The following STK38L variants were observed in gnomAD, a reference collection of about 807,000 sequenced individuals.
STK38L encodes serine/threonine-protein kinase 38-like.
STK38L carries 28 observed loss-of-function variants against 59.7 expected under a neutral mutation model. The ratio of observed to expected loss-of-function variants is 0.47; its 90% CI spans 0.35 to 0.64. The LOEUF (loss-of-function observed/expected upper bound fraction) is 0.64. Among genes scored for constraint, STK38L ranks in the 30% least tolerant of loss-of-function variants. The pLI, the probability that STK38L is intolerant of heterozygous loss-of-function variation, is 0.01. For synonymous variants in STK38L, 162 were observed against 176.8 expected (o/e 0.92, Z 0.66); for missense variants, 314 against 555.8 (o/e 0.56, Z 4.37).
At chr12:27,290,230 T>A (rs1407411668) in intron 1 of STK38L, among the ~76,000 whole-genome samples, 1 of 152,228 alleles carries the variant, frequency 6.6e-6, no homozygotes, top group Non-Finnish European at 1.5e-5. Context: ...ATTATTATAT[T>A]TATTTAACAG....
intron 1 of STK38L, among the ~76,000 whole-genome samples, chr12:27,254,664 A>G (rs1943051143): frequency 2.0e-5 from 3 of 152,172 alleles, no homozygotes; most frequent in African/African-American, 7.2e-5. Flanking sequence ...TTGTATTTCT[A>G]GGCCAGCGGT....
At chr12:27,267,487 G>A (rs1943323979) in intron 1 of STK38L, among the ~76,000 whole-genome samples, 1 of 152,214 alleles carries the variant, frequency 6.6e-6, no homozygotes, top group Non-Finnish European at 1.5e-5. Flanking sequence ...TACTGGTGCA[G>A]GCTCGAACTC....
intron 1 of STK38L, among the ~76,000 whole-genome samples, chr12:27,268,154 G>T (rs909940942): frequency 6.6e-6 from 1 of 151,402 alleles, no homozygotes; most frequent in Admixed American, 6.6e-5. Flanking sequence ...TTTAGGGTAC[G>T]TGTGCACAAT....
chr12:27,273,513 A>G (rs892753575), intron 1 of STK38L, among the ~76,000 whole-genome samples: 1 of 152,242 alleles, frequency 6.6e-6, no homozygotes, highest in Non-Finnish European at 1.5e-5. Flanking sequence ...GAGGATCAAA[A>G]CCAAATGAGA....
At chr12:27,276,397 A>C (rs531835373) in intron 1 of STK38L, among the ~76,000 whole-genome samples, 1 of 152,228 alleles carries the variant, frequency 6.6e-6, no homozygotes, top group East Asian at 1.9e-4. Context: ...ACACAACTGC[A>C]GAAATCTGGC....
intron 2 of STK38L, chr12:27,298,072 C>T (rs1174803046): frequency 4.3e-6 from 2 of 467,354 alleles, no homozygotes; most frequent in Non-Finnish European, 7.5e-6. Context: ...ACCCGTATGA[C>T]ATGCCAATTA....
intron 8 of STK38L, 39 bp downstream of exon 8, chr12:27,315,156 AG>A (rs1294455527): frequency 6.3e-7 from 1 of 1,589,492 alleles, no homozygotes; most frequent in African/African-American, 1.3e-5. Context: ...CCCCTGGTTA[AG>A]ATACTGTAGA....
In STK38L at chr12:27,302,129, T is replaced by A. The variant is rs375404022; in HGVS notation, c.135-8T>A. 2 of 1,600,040 alleles carry A rather than the reference T, an allele frequency of 1.2e-6. No homozygotes were observed. Among genetic ancestry groups the A allele is most frequent in the Non-Finnish European group, 1.7e-6 (2 of 1,174,076 alleles). Reference sequence around the variant, plus strand: ...ATTTAAAATTTAATTTTTTTTTCCTTTGAAAAGGCAGAAGAAATTAGAAGT... The same window carrying A: ...ATTTAAAATTTAATTTTTTTTTCCTATGAAAAGGCAGAAGAAATTAGAAGT... On this transcript the variant is annotated splice_region_variant and splice_polypyrimidine_tract_variant and intron_variant, in intron 2 of 13. Transcript: ENST00000389032.
chr12:27,318,133 A>C, intron 11 of STK38L, 114 bp downstream of exon 11: 1 of 1,264,860 alleles, frequency 7.9e-7, no homozygotes, highest in Non-Finnish European at 1.1e-6. Context: ...TATACAGTCA[A>C]AGAGATCAAT....
chr12:27,246,017 T>C (rs1431066527), intron 1 of STK38L, among the ~76,000 whole-genome samples: 1 of 152,236 alleles, frequency 6.6e-6, no homozygotes, highest in African/African-American at 2.4e-5. Context: ...AGTTTTTCTC[T>C]AGCCATTTGC....
chr12:27,269,528 GTAGTA>G (rs1170453624), intron 1 of STK38L, among the ~76,000 whole-genome samples: 1 of 152,148 alleles, frequency 6.6e-6, no homozygotes, highest in Admixed American at 6.5e-5. Flanking sequence ...CTGTAGCCTT[GTAGTA>G]TAGTTTGAAG....
intron 1 of STK38L, among the ~76,000 whole-genome samples, chr12:27,283,481 C>G (rs1943703528): frequency 6.6e-6 from 1 of 152,166 alleles, no homozygotes; most frequent in African/African-American, 2.4e-5. Flanking sequence ...GTCATTATCT[C>G]TGTTTTATAG....
At chr12:27,278,461 T>C (rs986283812) in intron 1 of STK38L, among the ~76,000 whole-genome samples, 4 of 152,230 alleles carry the variant, frequency 2.6e-5, no homozygotes, top group African/African-American at 9.6e-5. Flanking sequence ...TCGACAATTT[T>C]ATAGGATCTT....
At chr12:27,249,161 C>T (rs1246133632) in intron 1 of STK38L, among the ~76,000 whole-genome samples, 2 of 152,196 alleles carry the variant, frequency 1.3e-5, no homozygotes, top group Non-Finnish European at 2.9e-5. Flanking sequence ...TCTGCTGAGG[C>T]AGGTAGCCTG....
rs1565560569 is a variant in STK38L at position 27,322,562 on chromosome 12, T to G, written c.*107T>G. On this transcript the variant is annotated 3_prime_UTR_variant, in exon 14 of 14. Transcript: ENST00000389032. ...GAAATACTCCTGAAGATGGTGGTGC[T>G]TATTGACTACAAGAGGAAATTCTAC... 6 of 1,425,150 alleles carry G rather than the reference T, an allele frequency of 4.2e-6. No individual in the cohort carries two copies. Among genetic ancestry groups the G allele is most frequent in the Middle Eastern group, 1.8e-4 (1 of 5,412 alleles). The allele number at this position is 1,425,150 out of a possible 1,614,324, so 88.3% of individuals were successfully genotyped here.
At chr12:27,253,744 G>A (rs1320312765) in intron 1 of STK38L, among the ~76,000 whole-genome samples, 1 of 152,186 alleles carries the variant, frequency 6.6e-6, no homozygotes, top group Non-Finnish European at 1.5e-5. Context: ...GTTTCAGGCC[G>A]AGAAGCCTCA....
intron 1 of STK38L, among the ~76,000 whole-genome samples, chr12:27,258,247 A>G (rs1386650238): frequency 6.6e-6 from 1 of 152,168 alleles, no homozygotes; most frequent in African/African-American, 2.4e-5. Flanking sequence ...ATTTCGTTAT[A>G]TTGCCTAGGC....
chr12:27,271,251 T>A (rs1049681326), intron 1 of STK38L, among the ~76,000 whole-genome samples: 2 of 152,258 alleles, frequency 1.3e-5, no homozygotes, highest in Non-Finnish European at 2.9e-5. Context: ...TCTGAAGAAA[T>A]ACTAATTCAT....
rs552172942 is a variant in STK38L at position 27,246,054 on chromosome 12, A to G, written c.-12+1722A>G. ...CTTGAGTTTGTTTTAAAATAAGTCA[A>G]AGAATGGAGACTGAGATGATTTGTG... is the stretch of plus-strand genomic sequence containing the variant. On this transcript the variant is annotated intron_variant, in intron 1 of 13. Transcript: ENST00000389032. Among the ~76,000 whole-genome samples, 15 of 152,370 alleles carry G rather than the reference A, an allele frequency of 9.8e-5. No individual in the cohort carries two copies. In the South Asian group the frequency reaches 2.5e-3, roughly 25 times the overall value.
Sources: gnomAD v4.1 joint callset for allele counts (sites outside exome capture counted in the v4.1 genomes callset) on GRCh38, gnomAD v4.1.1 for gene constraint, MANE v1.5 for transcripts, NCBI Gene and HGNC (gene_info 2026-07-23, HGNC 2026-07-21) for gene names.